The following EMC1 variants were observed in gnomAD, a reference collection of about 807,000 sequenced individuals.
The protein encoded by EMC1 is ER membrane protein complex subunit 1.
EMC1 carries 103 observed loss-of-function variants against 128.8 expected under a neutral mutation model. The observed-to-expected ratio is 0.80, with a 90% CI of 0.68 to 0.94. The LOEUF is 0.94. Ranked by LOEUF, EMC1 falls within the 40% of genes least tolerant of loss-of-function variation. The pLI, the probability that EMC1 is intolerant of heterozygous loss-of-function variation, is 0.00. For missense variants in EMC1, 1,083 were observed against 1,250.6 expected (o/e 0.87, Z 2.02); for synonymous variants, 442 against 490.4 (o/e 0.90, Z 1.30).
At chr1:19,240,020 A>G in intron 7 of EMC1, 35 bp from the exon 8 acceptor site, 2 of 1,585,944 alleles carry the variant, frequency 1.3e-6, no homozygotes, top group Non-Finnish European at 1.7e-6. Flanking sequence ...TATGGCTAAC[A>G]GCTGACGACT....
In EMC1 at chr1:19,238,028, G is replaced by A. The variant is rs778418940; in HGVS notation, c.1201C>T (p.Arg401Trp). ...ITFSLEQSGTRPERLYIQVFL... is the reference protein window; with the variant it reads ...ITFSLEQSGTWPERLYIQVFL... ...AGGCTCTGCCTTACCCGCTCAGGCC[G>A]AGTGCCGCTCTGTTCCAGGCTAAAT... is the stretch of plus-strand genomic sequence containing the variant. Residue 401 changes from arginine to tryptophan, a missense_variant, in exon 11 of 23, where the codon CGG becomes TGG. Physicochemically the swap from Arg to Trp is moderately radical, Grantham distance 101. Around this residue, in one of 3 missense-constraint regions of EMC1, gnomAD observed 544 missense variants for 572.4 expected, o/e 0.95. Coordinates refer to ENST00000477853, the MANE Select transcript of EMC1 (RefSeq NM_015047.3). 127 of 1,613,640 alleles carry A rather than the reference G, an allele frequency of 7.9e-5. 2 individuals are homozygous for A. The South Asian group carries it at 1.2e-3, about 15-fold the overall frequency.
In EMC1 at chr1:19,219,210, C is replaced by A. The variant is rs2093412473; in HGVS notation, c.*93G>T. The A allele has an allele frequency of 2.3e-6, 3 of 1,282,054 alleles. No homozygotes were observed. The allele number at this position is 1,282,054 out of a possible 1,614,324, so 79.4% of individuals were successfully genotyped here. A position where few individuals can be genotyped will look rare whatever the true frequency, so the allele number is the denominator to read the frequency against. On this transcript the variant is annotated 3_prime_UTR_variant, in exon 23 of 23. Coordinates refer to ENST00000477853, the MANE Select transcript of EMC1 (RefSeq NM_015047.3). ...GTTCTTAGCTGAGCACTGACACACA[C>A]ACATACTCCACCAATCCACCAAACT...
In EMC1 at chr1:19,240,384, A is replaced by G. The variant is rs1572021127; in HGVS notation, c.699T>C (p.Ala233=). Residue 233 remains alanine, a synonymous_variant, in exon 7 of 23, where the codon GCT becomes GCC. Coordinates refer to ENST00000477853, the MANE Select transcript of EMC1 (RefSeq NM_015047.3). The part of the protein sequence containing the change: ...LSGACGVVDE[A]VLVCPDPSSR... Reference sequence around the variant, plus strand: ...AGCTCGGGTCAGGACACACCAGGACAGCCTCATCCACCACACCACAGGCTC... The same window carrying G: ...AGCTCGGGTCAGGACACACCAGGACGGCCTCATCCACCACACCACAGGCTC... 1 of 1,614,238 alleles carries G rather than the reference A, an allele frequency of 6.2e-7. No homozygotes were observed. Among genetic ancestry groups the G allele is most frequent in the East Asian group, 2.2e-5 (1 of 44,886 alleles).
At chr1:19,238,348 T>A (rs983836504) in intron 10 of EMC1, among the ~76,000 whole-genome samples, 2 of 152,162 alleles carry the variant, frequency 1.3e-5, no homozygotes, top group African/African-American at 4.8e-5. Context: ...ACAACTACCA[T>A]ACTTGTCTTG....
At chr1:19,238,891 C>A in intron 9 of EMC1, 34 bp from the exon 10 acceptor site, 1 of 1,427,526 alleles carries the variant, frequency 7.0e-7, no homozygotes, top group Non-Finnish European at 9.9e-7. Flanking sequence ...GAAAATTCAG[C>A]CAAAGGGTCA....
chr1:19,219,928 A>G, intron 21 of EMC1: 1 of 520,542 alleles, frequency 1.9e-6, no homozygotes, highest in Non-Finnish European at 3.4e-6. Flanking sequence ...ACTTTGTTCT[A>G]AATCTGAAAA....
intron 18 of EMC1, among the ~76,000 whole-genome samples, chr1:19,226,370 A>G (rs2093473242): frequency 6.6e-6 from 1 of 152,020 alleles, no homozygotes; most frequent in Non-Finnish European, 1.5e-5. Context: ...TAACCTCAAC[A>G]CTTTGGGAGG....
At chr1:19,219,804 A>G in intron 21 of EMC1, 106 bp from the exon 22 acceptor site, 1 of 1,321,916 alleles carries the variant, frequency 7.6e-7, no homozygotes, top group Non-Finnish European at 1.1e-6. Context: ...ATCTAGCCTC[A>G]AATCTCCTAG....
Position 19,235,431 on chromosome 1 carries a change from A to G in EMC1, c.1310-179T>C, listed in dbSNP as rs148062005. ...AAAAATAAATATCAGGGCTGGGCAC[A>G]GTGGCTCACGCCTGTAATCCCAGCA... is the stretch of plus-strand genomic sequence containing the variant. On this transcript the variant is annotated intron_variant, in intron 12 of 22. Coordinates refer to ENST00000477853, the MANE Select transcript of EMC1 (RefSeq NM_015047.3). Among the ~76,000 whole-genome samples, 1,170 of 152,342 alleles carry G rather than the reference A, an allele frequency of 7.7e-3. 10 individuals are homozygous for G. Among genetic ancestry groups the G allele is most frequent in the African/African-American group, 0.026 (1,095 of 41,574 alleles).
intron 1 of EMC1, among the ~76,000 whole-genome samples, chr1:19,251,002 G>A (rs1011288755): frequency 1.3e-4 from 20 of 152,178 alleles, no homozygotes; most frequent in African/African-American, 4.3e-4. Context: ...TAAGACGAAA[G>A]CTCCTGTTCA....
In EMC1 at chr1:19,220,756, G is replaced by T. The variant is rs1178571638; in HGVS notation, c.2672+8C>A. ...CAGAGCCTTCAGCACTGCCCATGAG[G>T]GTCTCACCTGCTTTGTTCTGTTGGG... On this transcript the variant is annotated splice_region_variant and intron_variant, in intron 21 of 22. Transcript: ENST00000477853. 3.1e-6 allele frequency: 5 copies of T among 1,610,048 alleles called. No homozygotes were observed. The highest frequency in any genetic ancestry group is 4.2e-6 in the Non-Finnish European group (5 of 1,177,444).
intron 15 of EMC1, among the ~76,000 whole-genome samples, chr1:19,232,356 T>C (rs1301828571): frequency 1.3e-5 from 2 of 152,014 alleles, no homozygotes; most frequent in South Asian, 2.1e-4. Flanking sequence ...GAAGAGAAAA[T>C]AGCCACTCAG....
Position 19,239,963 on chromosome 1 carries a change from C to CT in EMC1, c.808dup (p.Ser270LysfsTer45), listed in dbSNP as rs1220641407. The CT allele has an allele frequency of 7.4e-6, 12 of 1,612,422 alleles. No homozygotes were observed. Among genetic ancestry groups the CT allele is most frequent in the Non-Finnish European group, 1.0e-5 (12 of 1,179,056 alleles). ...AGGCAGGACCCGGGGTTGGAATCCA[C>CT]TTCCAAATTCTAAGTCGAGAGACTG... On this transcript the variant is annotated frameshift_variant, in exon 8 of 23. Transcript: ENST00000477853. LOFTEE classifies it high-confidence loss of function.
At chr1:19,244,045 T>C (rs1327173978) in intron 2 of EMC1, 30 bp from the exon 3 acceptor site, 1 of 1,611,876 alleles carries the variant, frequency 6.2e-7, no homozygotes, top group Non-Finnish European at 8.5e-7. Context: ...GACATTACTA[T>C]GAACAAAAGG....
At chr1:19,233,421 GCCATGCTGTGAATGTCTCCA>G (rs2093539441) in intron 13 of EMC1, among the ~76,000 whole-genome samples, 1 of 152,216 alleles carries the variant, frequency 6.6e-6, no homozygotes, top group Non-Finnish European at 1.5e-5. Context: ...GCAGGAGACA[GCCATGCTGTGAATGTCTCCA>G]CCACAGCCCC....
At chr1:19,242,880 C>T (rs149404908) in intron 4 of EMC1, among the ~76,000 whole-genome samples, 1 of 152,204 alleles carries the variant, frequency 6.6e-6, no homozygotes, top group Non-Finnish European at 1.5e-5. Context: ...GGGCTCAGCA[C>T]GTGTTTACCA....
intron 18 of EMC1, 30 bp downstream of exon 18, chr1:19,227,283 G>T (rs776019630): frequency 5.0e-6 from 8 of 1,613,274 alleles, no homozygotes; most frequent in Admixed American, 1.7e-5. Context: ...GAAAGCCCTT[G>T]CTGTAGACCA....
rs144374191 is a variant in EMC1, at chr1:19,216,233, CA to C, written c.*3069del. 2.1e-4 allele frequency: 27 copies of C among 129,536 alleles called. 1 individual carries two copies. Among genetic ancestry groups the C allele is most frequent in the South Asian group, 7.6e-4 (3 of 3,922 alleles). 8.0% of individuals were successfully genotyped at this position (129,536 alleles called of 1,614,324 possible). A position where few individuals can be genotyped will look rare whatever the true frequency, so the allele number is the denominator to read the frequency against. ...GCCTGGGTGACAGAGACCCTGCCTC[CA>C]AAAAAAAAGCAATTTATAAAGGCAG... On this transcript the variant is annotated 3_prime_UTR_variant, in exon 23 of 23. Transcript: ENST00000477853.
chr1:19,239,613 G>A lies in EMC1; in HGVS notation c.954+205C>T, dbSNP rs552377208. On this transcript the variant is annotated intron_variant, in intron 8 of 22. Transcript: ENST00000477853. ...TTGGACTAAGGAAGGCACTAGTTTT[G>A]CTCTAAAGATCCTTTGTAATACTCA... 1.2e-5 allele frequency: 7 copies of A among 595,710 alleles called. No homozygotes were observed. The African/African-American group carries it at 1.3e-4, about 11-fold the overall frequency. 36.9% of individuals were successfully genotyped at this position (595,710 alleles called of 1,614,324 possible).
Sources: gnomAD v4.1 joint callset for allele counts (sites outside exome capture counted in the v4.1 genomes callset) on GRCh38, gnomAD v4.1.1 for gene constraint, gnomAD v4.1.1 regional missense constraint, MANE v1.5 for transcripts, NCBI Gene and HGNC (gene_info 2026-07-23, HGNC 2026-07-21) for gene names.